HDAC9: variants seen among roughly 807,000 people sequenced by gnomAD.
HDAC9 encodes the protein histone deacetylase 9.
A neutral mutation model predicts 139.4 loss-of-function variants in HDAC9; 41 were observed. That is an observed-to-expected ratio of 0.29 (90% CI 0.23 to 0.38). The LOEUF (loss-of-function observed/expected upper bound fraction) is 0.38. Among genes scored for constraint, HDAC9 ranks in the 10% least tolerant of loss-of-function variants. The pLI, the probability that HDAC9 is intolerant of heterozygous loss-of-function variation, is 1.00. For missense variants in HDAC9, 1,147 were observed against 1,297.0 expected (o/e 0.88, Z 1.78); for synonymous variants, 517 against 476.2 (o/e 1.09, Z -1.12).
chr7:18,963,274 G>A (rs1000672877), intron 24 of HDAC9, among the ~76,000 whole-genome samples: 6 of 152,102 alleles, frequency 3.9e-5, no homozygotes, highest in African/African-American at 7.2e-5. Flanking sequence ...CTTAAGATCC[G>A]CATCAAAGGG....
At chr7:18,110,496 A>C (rs966863256) in intron 1 of HDAC9, among the ~76,000 whole-genome samples, 10 of 152,202 alleles carry the variant, frequency 6.6e-5, no homozygotes, top group Non-Finnish European at 1.5e-4. Context: ...GAGATGTGAC[A>C]AAGGACAAGG....
intron 17 of HDAC9, among the ~76,000 whole-genome samples, chr7:18,798,385 A>C (rs1236819860): frequency 6.6e-6 from 1 of 152,238 alleles, no homozygotes; most frequent in African/African-American, 2.4e-5. Flanking sequence ...AGCATGTTTC[A>C]AAAAACAAAC....
At chr7:18,854,613 A>C (rs772889381) in intron 21 of HDAC9, among the ~76,000 whole-genome samples, 2 of 152,064 alleles carry the variant, frequency 1.3e-5, no homozygotes, top group Non-Finnish European at 2.9e-5. Context: ...GAAAGAAACA[A>C]AGAGAAATAG....
chr7:18,902,226 G>A (rs374702237), intron 22 of HDAC9, among the ~76,000 whole-genome samples: 12 of 152,294 alleles, frequency 7.9e-5, no homozygotes, highest in Middle Eastern at 3.4e-3. Context: ...ACTTGAAAAC[G>A]TTTTATTGGC....
intron 2 of HDAC9, among the ~76,000 whole-genome samples, chr7:18,189,509 G>A (rs778912606): frequency 4.6e-4 from 70 of 152,232 alleles, no homozygotes; most frequent in Middle Eastern, 3.4e-3. Context: ...AAAGAATCAC[G>A]TGGGGCTTAT....
chr7:18,720,023 C>T (rs1785024680), intron 12 of HDAC9, among the ~76,000 whole-genome samples: 1 of 152,104 alleles, frequency 6.6e-6, no homozygotes, highest in African/African-American at 2.4e-5. Flanking sequence ...AAGCAAGGAA[C>T]ACACTGTTTT....
At chr7:18,684,770 A>G (rs993110926) in intron 12 of HDAC9, among the ~76,000 whole-genome samples, 1 of 151,952 alleles carries the variant, frequency 6.6e-6, no homozygotes, top group Non-Finnish European at 1.5e-5. Context: ...ATATATACAC[A>G]TATATTTATA....
At chr7:18,407,697 A>G (rs1788145158) in intron 1 of HDAC9, among the ~76,000 whole-genome samples, 1 of 152,220 alleles carries the variant, frequency 6.6e-6, no homozygotes, top group Non-Finnish European at 1.5e-5. Context: ...AGGATGCACC[A>G]TTCGATAGAA....
intron 1 of HDAC9, among the ~76,000 whole-genome samples, chr7:18,128,809 C>T (rs1189536670): frequency 6.6e-6 from 1 of 152,066 alleles, no homozygotes; most frequent in Non-Finnish European, 1.5e-5. Flanking sequence ...AATCCTGATT[C>T]TCTTTCCTTT....
chr7:18,660,921 A>T (rs188257321), intron 11 of HDAC9, among the ~76,000 whole-genome samples: 23 of 152,276 alleles, frequency 1.5e-4, no homozygotes, highest in African/African-American at 5.5e-4. Flanking sequence ...TTTGAATTTT[A>T]TTATAAGCAT....
At chr7:18,550,578 G>T (rs1057384756) in intron 2 of HDAC9, among the ~76,000 whole-genome samples, 1 of 152,202 alleles carries the variant, frequency 6.6e-6, no homozygotes, top group Non-Finnish European at 1.5e-5. Context: ...AGTTAAGTAG[G>T]TGGGGGATAT....
intron 2 of HDAC9, among the ~76,000 whole-genome samples, chr7:18,512,342 G>A (rs1183555314): frequency 6.6e-6 from 1 of 152,056 alleles, no homozygotes; most frequent in African/African-American, 2.4e-5. Context: ...TACAAGGTCA[G>A]TACAAAATAA....
chr7:18,640,555 C>T (rs1043868111), intron 8 of HDAC9, among the ~76,000 whole-genome samples: 2 of 151,526 alleles, frequency 1.3e-5, no homozygotes, highest in Admixed American at 6.6e-5. Flanking sequence ...TCCTTCTCTC[C>T]ATCTCCTTTC....
At chr7:18,403,314 T>C (rs752637973) in intron 1 of HDAC9, among the ~76,000 whole-genome samples, 22 of 152,208 alleles carry the variant, frequency 1.4e-4, no homozygotes, top group Non-Finnish European at 2.8e-4. Context: ...ATCATTACTA[T>C]AGAATGGCAT....
intron 2 of HDAC9, among the ~76,000 whole-genome samples, chr7:18,565,281 C>A (rs1232802563): frequency 6.6e-6 from 1 of 152,180 alleles, no homozygotes; most frequent in Non-Finnish European, 1.5e-5. Flanking sequence ...CAGGCGTGAG[C>A]CACTGTGCTC....
At chr7:18,300,850 T>C (rs1204650564) in intron 1 of HDAC9, among the ~76,000 whole-genome samples, 1 of 152,102 alleles carries the variant, frequency 6.6e-6, no homozygotes, top group African/African-American at 2.4e-5. Context: ...CTAGGAAAAA[T>C]ATAATTATTG....
intron 1 of HDAC9, among the ~76,000 whole-genome samples, chr7:18,154,785 C>T (rs1197932333): frequency 2.0e-5 from 3 of 152,164 alleles, no homozygotes; most frequent in Admixed American, 6.6e-5. Flanking sequence ...AGAATCATAT[C>T]ACTCTTAATT....
chr7:18,347,242 T>TAAATTTTAATTATAAATTA (rs1782487811), intron 1 of HDAC9, among the ~76,000 whole-genome samples: 1 of 152,216 alleles, frequency 6.6e-6, no homozygotes, highest in South Asian at 2.1e-4. Context: ...AAGCATATTA[T>TAAATTTTAATTATAAATTA]AAATTTTCCC....
intron 2 of HDAC9, among the ~76,000 whole-genome samples, chr7:18,202,827 A>G (rs1325626735): frequency 1.3e-5 from 2 of 152,194 alleles, no homozygotes; most frequent in African/African-American, 2.4e-5. Flanking sequence ...GTACACCTGG[A>G]ATGATGCTCA....
Sources: gnomAD v4.1 joint callset for allele counts (sites outside exome capture counted in the v4.1 genomes callset) on GRCh38, gnomAD v4.1.1 for gene constraint, MANE v1.5 for transcripts, NCBI Gene and HGNC (gene_info 2026-07-23, HGNC 2026-07-21) for gene names.